EFR3B: variants seen among roughly 807,000 people sequenced by gnomAD.
The protein encoded by EFR3B is protein EFR3 homolog B.
Under a neutral mutation model 104.7 loss-of-function variants are expected in EFR3B, and 64 were observed. That is an observed-to-expected ratio of 0.61 (90% confidence interval 0.50 to 0.75). EFR3B has a LOEUF of 0.75. Ranked by LOEUF, EFR3B falls within the 30% of genes least tolerant of loss-of-function variation. EFR3B has a pLI of 0.00. For synonymous variants in EFR3B, 385 were observed against 417.9 expected (o/e 0.92, Z 0.96); for missense variants, 750 against 1,078.5 (o/e 0.70, Z 4.27).
intron 5 of EFR3B, among the ~76,000 whole-genome samples, chr2:25,127,575 A>G (rs911366921): frequency 2.0e-5 from 3 of 152,206 alleles, no homozygotes; most frequent in African/African-American, 7.2e-5. Flanking sequence ...AGAAAGAAAG[A>G]AACTTCAGTC....
intron 1 of EFR3B, among the ~76,000 whole-genome samples, chr2:25,062,242 GAATAC>G (rs1367868813): frequency 6.6e-6 from 1 of 152,176 alleles, no homozygotes; most frequent in African/African-American, 2.4e-5. Context: ...GATTATGTAA[GAATAC>G]ATGCAAAAAC....
At chr2:25,121,533 T>C (rs1670014173) in intron 4 of EFR3B, 140 bp from the exon 5 acceptor site, 1 of 956,412 alleles carries the variant, frequency 1.0e-6, no homozygotes, top group Non-Finnish European at 1.6e-6. Context: ...CTCCCCAGTG[T>C]GCTCTGCAAG....
Position 25,124,243 on chromosome 2 carries a change from C to T in EFR3B, c.485+2449C>T, listed in dbSNP as rs568937701. Reference sequence around the variant, plus strand: ...TGCCATTGACTGCCCTTTCCAGTAACACCCTTGGGTCCAGCAGTGGGCCTG... The same window carrying T: ...TGCCATTGACTGCCCTTTCCAGTAATACCCTTGGGTCCAGCAGTGGGCCTG... On this transcript the variant is annotated intron_variant, in intron 5 of 22. Coordinates refer to ENST00000403714, the MANE Select transcript of EFR3B (RefSeq NM_014971.2). Among the ~76,000 whole-genome samples, 176 of 151,330 alleles carry T rather than the reference C, an allele frequency of 1.2e-3. 2 individuals are homozygous for T. Among genetic ancestry groups the T allele is most frequent in the African/African-American group, 4.0e-3 (166 of 41,248 alleles).
In EFR3B at chr2:25,042,275, G is replaced by C. The variant is rs751558398; in HGVS notation, c.-38G>C. 41 of 1,312,360 alleles carry C rather than the reference G, an allele frequency of 3.1e-5. 1 individual carries two copies. The South Asian group carries it at 5.6e-4, about 18-fold the overall frequency. The allele number at this position is 1,312,360 out of a possible 1,614,324, so 81.3% of individuals were successfully genotyped here. A position where few individuals can be genotyped will look rare whatever the true frequency, so the allele number is the denominator to read the frequency against. On this transcript the variant is annotated 5_prime_UTR_variant, in exon 1 of 23. Transcript: ENST00000403714. The surrounding 1 kb of genome is among the most constrained non-coding windows in gnomAD (Gnocchi z 5.4). ...CCGAGGGCTGGCTGGGAACGCCGCAGCGACGCCGGCCTCTCGAGAGGCGCG... is the reference window on the plus strand; with the variant it reads ...CCGAGGGCTGGCTGGGAACGCCGCACCGACGCCGGCCTCTCGAGAGGCGCG...
intron 3 of EFR3B, among the ~76,000 whole-genome samples, chr2:25,101,262 G>A (rs1007375194): frequency 1.3e-5 from 2 of 152,196 alleles, no homozygotes; most frequent in African/African-American, 4.8e-5. Context: ...TAGGAAGAGG[G>A]AAAGAGAAAG....
chr2:25,099,057 G>A (rs999652818), intron 3 of EFR3B, among the ~76,000 whole-genome samples: 11 of 152,024 alleles, frequency 7.2e-5, no homozygotes, highest in African/African-American at 2.4e-4. Context: ...ACGCTGGGAT[G>A]ATTCGTAAGG....
intron 3 of EFR3B, among the ~76,000 whole-genome samples, chr2:25,095,936 A>C (rs1291923769): frequency 6.6e-6 from 1 of 152,144 alleles, no homozygotes; most frequent in Non-Finnish European, 1.5e-5. Context: ...ACACTCAGAT[A>C]TTCCTGGTGG....
At chr2:25,046,316 C>T (rs184437328) in intron 1 of EFR3B, among the ~76,000 whole-genome samples, 18 of 151,308 alleles carry the variant, frequency 1.2e-4, no homozygotes, top group African/African-American at 3.6e-4. Context: ...ACCTGGGAGG[C>T]GGAGGTTGCA....
intron 1 of EFR3B, among the ~76,000 whole-genome samples, chr2:25,043,256 A>T (rs1439396963): frequency 6.6e-6 from 1 of 152,016 alleles, no homozygotes; most frequent in Non-Finnish European, 1.5e-5. Flanking sequence ...GTGCCAGCAA[A>T]ATAATTGGAG....
intron 6 of EFR3B, 117 bp downstream of exon 6, chr2:25,128,449 T>C: frequency 7.4e-7 from 1 of 1,355,210 alleles, no homozygotes; most frequent in Admixed American, 2.2e-5. Flanking sequence ...GGGACATGGC[T>C]TTGTGGCTTG....
chr2:25,148,779 G>A (rs559040247), intron 19 of EFR3B, among the ~76,000 whole-genome samples: 4 of 151,042 alleles, frequency 2.6e-5, no homozygotes, highest in Non-Finnish European at 4.4e-5. Context: ...AAAATTAGCC[G>A]GGCGTAGTGG....
At chr2:25,063,077 A>G (rs897885685) in intron 1 of EFR3B, among the ~76,000 whole-genome samples, 2 of 143,608 alleles carry the variant, frequency 1.4e-5, no homozygotes, top group African/African-American at 5.2e-5. Flanking sequence ...GTGCCCCCCA[A>G]CCCGCCCCAC....
chr2:25,154,519 TCC>T lies in EFR3B; in HGVS notation c.*180_*181del. The T allele has an allele frequency of 5.1e-6, 3 of 582,946 alleles. No homozygotes were observed. In the South Asian group the frequency reaches 6.7e-5, roughly 13 times the overall value. The allele number at this position is 582,946 out of a possible 1,614,324, so 36.1% of individuals were successfully genotyped here. A position where few individuals can be genotyped will look rare whatever the true frequency, so the allele number is the denominator to read the frequency against. ...GGTCCTTCTTGGCCCTCCTACCTCC[TCC>T]TCGTCTTCCCTGAGGGAGGTCTCAC... On this transcript the variant is annotated 3_prime_UTR_variant, in exon 23 of 23. Coordinates refer to ENST00000403714, the MANE Select transcript of EFR3B (RefSeq NM_014971.2). This position sits in a 1 kb window ranked among gnomAD's most constrained non-coding sequence, Gnocchi z 4.1.
intron 1 of EFR3B, chr2:25,080,152 C>T: frequency 7.5e-7 from 1 of 1,335,410 alleles, no homozygotes; most frequent in Non-Finnish European, 1.1e-6. Flanking sequence ...GTGCATGATT[C>T]TTCAAAAAAT....
intron 4 of EFR3B, chr2:25,115,921 C>T (rs1006410204): frequency 5.3e-5 from 8 of 152,348 alleles, no homozygotes; most frequent in South Asian, 2.1e-4. Flanking sequence ...TTCTAGAACT[C>T]GGGCTTTGTG....
At chr2:25,060,845 C>T (rs1480909498) in intron 1 of EFR3B, among the ~76,000 whole-genome samples, 4 of 151,496 alleles carry the variant, frequency 2.6e-5, no homozygotes, top group African/African-American at 4.9e-5. Flanking sequence ...GGTGTGAACC[C>T]GGGAGACAGA....
In EFR3B at chr2:25,042,180, C is replaced by T. The variant is rs1027999907; in HGVS notation, c.-133C>T. 1.1e-6 allele frequency: 1 copy of T among 937,028 alleles called. No individual in the cohort carries two copies. The highest frequency in any genetic ancestry group is 1.4e-6 in the Non-Finnish European group (1 of 727,320). 58.0% of individuals were successfully genotyped at this position (937,028 alleles called of 1,614,324 possible). A position where few individuals can be genotyped will look rare whatever the true frequency, so the allele number is the denominator to read the frequency against. The stretch of plus-strand genomic sequence containing the variant: ...CCCGCGGCCGGCCCCCGCGTCTGCT[C>T]CCTCCCCGCCCGGGCCCCTGTCGGC... On this transcript the variant is annotated 5_prime_UTR_variant, in exon 1 of 23. Coordinates refer to ENST00000403714, the MANE Select transcript of EFR3B (RefSeq NM_014971.2). The surrounding 1 kb of genome is among the most constrained non-coding windows in gnomAD (Gnocchi z 5.4).
intron 1 of EFR3B, among the ~76,000 whole-genome samples, chr2:25,064,061 T>G (rs1415803727): frequency 1.3e-5 from 2 of 152,216 alleles, no homozygotes; most frequent in Non-Finnish European, 2.9e-5. Context: ...GTACTTGTTT[T>G]GCATTTTTGC....
intron 1 of EFR3B, among the ~76,000 whole-genome samples, chr2:25,088,925 C>T (rs1023118177): frequency 2.0e-5 from 3 of 152,176 alleles, no homozygotes; most frequent in Middle Eastern, 6.4e-3. Flanking sequence ...GGCCTTCTTA[C>T]CTCCTTTCTA....
Sources: allele counts gnomAD v4.1 joint callset (sites outside exome capture counted in the v4.1 genomes callset), GRCh38; gene constraint gnomAD v4.1.1; non-coding constraint Gnocchi (gnomAD v3.1); transcripts MANE v1.5; gene names NCBI Gene and HGNC (gene_info 2026-07-23, HGNC 2026-07-21).